ZNF705A: variants seen among roughly 807,000 people sequenced by gnomAD.
ZNF705A encodes zinc finger protein 705A.
ZNF705A carries 8 observed loss-of-function variants against 16.6 expected under a neutral mutation model. That is an observed-to-expected ratio of 0.48 (90% CI 0.28 to 0.87). The LOEUF is 0.87. Ranked by LOEUF, ZNF705A falls within the 40% of genes least tolerant of loss-of-function variation. ZNF705A has a pLI of 0.10. For synonymous variants in ZNF705A, 73 were observed against 117.3 expected (o/e 0.62, Z 2.44); for missense variants, 233 against 359.9 (o/e 0.65, Z 2.85).
intron 4 of ZNF705A, among the ~76,000 whole-genome samples, 173 bp downstream of exon 5, chr12:8,176,115 C>T (rs757334215): frequency 7.2e-5 from 11 of 152,218 alleles, no homozygotes; most frequent in African/African-American, 2.6e-4. Context: ...TGTTCTAAAC[C>T]ATAACATGAG....
chr12:8,178,429 A>G (rs1281501414), exon 5 of ZNF705A: 1 of 152,804 alleles, frequency 6.5e-6, no homozygotes, highest in African/African-American at 2.4e-5. Context: ...AAAGGAGAAA[A>G]TTCTTTAGTG....
At chr12:8,162,652 C>G (rs112575631) in intron 1 of ZNF705A, among the ~76,000 whole-genome samples, 357 of 152,254 alleles carry the variant, frequency 2.3e-3, no homozygotes, top group African/African-American at 8.2e-3. Flanking sequence ...TCCCTATCTT[C>G]TCCCACGGAG....
intron 1 of ZNF705A, 48 bp from the exon 3 acceptor site, chr12:8,174,278 A>G: frequency 1.9e-6 from 3 of 1,595,840 alleles, no homozygotes; most frequent in Non-Finnish European, 2.5e-6. Context: ...TCTTCCGGAC[A>G]TTGAAAGGGA....
intron 1 of ZNF705A, among the ~76,000 whole-genome samples, chr12:8,164,228 A>G (rs1300884608): frequency 6.6e-6 from 1 of 152,172 alleles, no homozygotes; most frequent in East Asian, 1.9e-4. Flanking sequence ...TGCTCTAACC[A>G]CATCTACCCA....
chr12:8,179,014 G>T (rs1268572573), exon 5 of ZNF705A: 1 of 152,218 alleles, frequency 6.6e-6, no homozygotes, highest in Non-Finnish European at 1.5e-5. Context: ...TTCTCAGTGT[G>T]TCATTGCATA....
In ZNF705A at chr12:8,165,439, C is replaced by T. The variant is rs1012619119; in HGVS notation, c.-71-7116C>T. Among the ~76,000 whole-genome samples the T allele has an allele frequency of 2.4e-4, 34 of 142,586 alleles. No homozygotes were observed. In the East Asian group the frequency reaches 4.7e-3, roughly 20 times the overall value. 93.5% of individuals were successfully genotyped at this position (142,586 alleles called of 152,430 possible). A position where few individuals can be genotyped will look rare whatever the true frequency, so the allele number is the denominator to read the frequency against. On this transcript the variant is annotated intron_variant, in intron 1 of 5. Coordinates refer to the ZNF705A transcript ENST00000396570. ...CTGGGACTACAGGCACCTGCCACCA[C>T]GCCCAGCTAAATTTTTTTTTTTTTT...
At chr12:8,176,072 GA>G in intron 4 of ZNF705A, 130 bp downstream of exon 5, 1 of 1,373,354 alleles carries the variant, frequency 7.3e-7, no homozygotes, top group South Asian at 1.3e-5. Context: ...AAAAAAAATT[GA>G]ATACTTTGAA....
At chr12:8,170,611 T>C (rs1354846629), upstream of ZNF705A, among the ~76,000 whole-genome samples, 2 of 152,234 alleles carry the variant, frequency 1.3e-5, no homozygotes, top group Non-Finnish European at 2.9e-5. Flanking sequence ...CTTATTTTGA[T>C]ATTCGAGGAA....
At chr12:8,175,727 G>C in intron 3 of ZNF705A, 133 bp from the exon 5 acceptor site, 1 of 1,257,882 alleles carries the variant, frequency 7.9e-7, no homozygotes. Context: ...TTCTATTCAA[G>C]TAGTTTCTTC....
chr12:8,173,568 C>G (rs1948462124), intron 1 of ZNF705A, among the ~76,000 whole-genome samples: 2 of 152,184 alleles, frequency 1.3e-5, no homozygotes, highest in African/African-American at 4.8e-5. Context: ...AATCATCGGA[C>G]TAAGATTTCC....
chr12:8,177,588 A>C (rs946553134), exon 5 of ZNF705A: 27 of 1,369,868 alleles, frequency 2.0e-5, no homozygotes, highest in Middle Eastern at 2.2e-4. Flanking sequence ...AGATGACATG[A>C]GAGAACATGC....
chr12:8,166,307 G>T (rs1372856435), intron 1 of ZNF705A, among the ~76,000 whole-genome samples: 2 of 152,198 alleles, frequency 1.3e-5, no homozygotes, highest in East Asian at 3.8e-4. Context: ...AGAGATCCAG[G>T]TGAAGGCTTC....
In ZNF705A at chr12:8,165,243, G is replaced by A. The variant is rs186043531; in HGVS notation, c.-71-7312G>A. Among the ~76,000 whole-genome samples, 365 of 147,212 alleles carry A rather than the reference G, an allele frequency of 2.5e-3. 2 individuals carry two copies. The Middle Eastern group carries it at 0.043, about 17-fold the overall frequency. On this transcript the variant is annotated intron_variant, in intron 1 of 5. Transcript: ENST00000396570. ...ATATAGTTGTTGGCCATTTGTATCCGTTCTTCTGGGAAATGTCTACTCAGA... is the reference window on the plus strand; with the variant it reads ...ATATAGTTGTTGGCCATTTGTATCCATTCTTCTGGGAAATGTCTACTCAGA...
rs775567732 is a variant in ZNF705A, at chr12:8,175,893, T to C, written c.269T>C (p.Ile90Thr). The change falls in exon 4 of 5, where the codon ATA becomes ACA. Residue 90 changes from isoleucine to threonine, a missense_variant. Ile to Thr is a moderately conservative substitution (Grantham distance 89). Around this residue, in one of 3 missense-constraint regions of ZNF705A, gnomAD observed 220 missense variants for 271.4 expected, o/e 0.81. Coordinates refer to ENST00000359286, the Ensembl canonical transcript of ZNF705A. ...AGTGCCCTTAAGAAAAAACACATGA[T>C]ATCCATGCATCCTATCACCAGAAAA... 1.1e-5 allele frequency: 17 copies of C among 1,611,410 alleles called. No individual in the cohort carries two copies. The Admixed American group carries it at 2.8e-4, about 27-fold the overall frequency.
At chr12:8,167,436 T>C (rs1282491417) in intron 1 of ZNF705A, among the ~76,000 whole-genome samples, 6 of 152,162 alleles carry the variant, frequency 3.9e-5, no homozygotes, top group Middle Eastern at 3.2e-3. Flanking sequence ...TCAGGGCATG[T>C]CTCTTGGAAT....
exon 5 of ZNF705A, chr12:8,177,687 G>A: frequency 2.0e-6 from 3 of 1,524,162 alleles, no homozygotes; most frequent in South Asian, 1.2e-5. Context: ...ATTCACGCTG[G>A]AGAGAAAATT....
exon 5 of ZNF705A, chr12:8,179,394 G>A (rs923555878): frequency 1.3e-5 from 2 of 152,328 alleles, no homozygotes; most frequent in South Asian, 2.1e-4. Flanking sequence ...GAAGCAAAAT[G>A]AAAGTTCTCA....
exon 5 of ZNF705A, chr12:8,177,544 A>G (rs777258561): frequency 1.9e-6 from 3 of 1,612,436 alleles, no homozygotes; most frequent in Admixed American, 3.3e-5. Flanking sequence ...CTTGTCTTCT[A>G]TGTGGGAAGG....
upstream of ZNF705A, among the ~76,000 whole-genome samples, chr12:8,170,517 G>A (rs1200195059): frequency 6.8e-6 from 1 of 146,952 alleles, no homozygotes; most frequent in Non-Finnish European, 1.5e-5. Flanking sequence ...TTTTGTCCCT[G>A]GCACAGTCTG....
Sources: allele counts gnomAD v4.1 joint callset (sites outside exome capture counted in the v4.1 genomes callset), GRCh38; gene constraint gnomAD v4.1.1; regional missense constraint gnomAD v4.1.1; transcripts MANE v1.5; gene names NCBI Gene and HGNC (gene_info 2026-07-23, HGNC 2026-07-21).